Variants in OR5B2 observed in about 807,000 individuals in gnomAD.
OR5B2 encodes olfactory receptor 5B2.
For missense variants in OR5B2, 411 were observed against 367.0 expected, an observed-to-expected ratio of 1.12 and a Z score of -0.98; for synonymous variants, 163 against 140.8, an observed-to-expected ratio of 1.16 and a Z score of -1.11.
chr11:58,426,826 GGCT>G (rs1181077014), intron 1 of OR5B2, 150 bp from the exon 2 acceptor site: 3 of 152,094 alleles, frequency 2.0e-5, no homozygotes, highest in Non-Finnish European at 4.4e-5. Context: ...TGTCACACAG[GGCT>G]GCTGCTGTGA....
chr11:58,422,835 C>T lies in OR5B2; in HGVS notation c.427G>A (p.Ala143Thr), dbSNP rs1371822219. The T allele has an allele frequency of 1.5e-5, 24 of 1,613,498 alleles. No individual in the cohort carries two copies. The highest frequency in any genetic ancestry group is 1.9e-5 in the Non-Finnish European group (23 of 1,179,794). ...AAGCCACAGACATATGAGCCTAGGG[C>T]CAGACAGGCACCTACACTGGCCGTC... ...TMTASVGACL[A>T]LGSYVCGFLN... The change falls in exon 3 of 3, where the codon GCC becomes ACC. Residue 143 changes from alanine to threonine, a missense_variant. Transcript: ENST00000641342.
chr11:58,423,285 A>G lies in OR5B2; in HGVS notation c.-24T>C, dbSNP rs1176425505. ...ATCAGTATTATCTGAGAAACTTAAGATGACCTGTAGCAATGAGAAATAAAG... is the reference window on the plus strand; with the variant it reads ...ATCAGTATTATCTGAGAAACTTAAGGTGACCTGTAGCAATGAGAAATAAAG... On this transcript the variant is annotated 5_prime_UTR_variant, in exon 3 of 3. Coordinates refer to ENST00000641342, the MANE Select transcript of OR5B2 (RefSeq NM_001005566.3). The G allele has an allele frequency of 7.0e-7, 1 of 1,435,144 alleles. No homozygotes were observed. Among genetic ancestry groups the G allele is most frequent in the African/African-American group, 1.4e-5 (1 of 70,448 alleles). The allele number at this position is 1,435,144 out of a possible 1,614,324, so 88.9% of individuals were successfully genotyped here.
chr11:58,422,513 T>C lies in OR5B2; in HGVS notation c.749A>G (p.Tyr250Cys), dbSNP rs138755829. ...ASHFTAVSVF[Y>C]GTVIFIYLQP... Reference sequence around the variant, plus strand: ...CAAGTAGATGAAGATTACTGTCCCATAGAAGACGGAGACTGCAGTGAAGTG... The same window carrying C: ...CAAGTAGATGAAGATTACTGTCCCACAGAAGACGGAGACTGCAGTGAAGTG... Residue 250 changes from tyrosine to cysteine, a missense_variant, in exon 3 of 3, where the codon TAT becomes TGT. Tyr to Cys is a radical substitution (Grantham distance 194). Transcript: ENST00000641342. 37 of 1,613,668 alleles carry C rather than the reference T, an allele frequency of 2.3e-5. No homozygotes were observed. The highest frequency in any genetic ancestry group is 2.8e-5 in the Non-Finnish European group (33 of 1,179,880).
intron 2 of OR5B2, among the ~76,000 whole-genome samples, chr11:58,425,177 GTTAT>G (rs1372407500): frequency 1.3e-5 from 2 of 151,976 alleles, no homozygotes; most frequent in African/African-American, 4.8e-5. Flanking sequence ...TCACACTTCT[GTTAT>G]TTTTGTTTGT....
At chr11:58,425,930 A>G (rs1855331789) in intron 2 of OR5B2, among the ~76,000 whole-genome samples, 1 of 152,144 alleles carries the variant, frequency 6.6e-6, no homozygotes, top group South Asian at 2.1e-4. Context: ...TAAAAAATCT[A>G]AAGCCTTCAA....
rs773952177 is a variant in OR5B2 at position 58,421,254 on chromosome 11, A to AT, written c.*1077dup. On this transcript the variant is annotated 3_prime_UTR_variant, in exon 3 of 3. Transcript: ENST00000641342. ...AACCACAGGTGTTTATAGCGGCTTTATTCATAACTGCCAACACTAGGGAAG... is the reference window on the plus strand; with the variant it reads ...AACCACAGGTGTTTATAGCGGCTTTATTTCATAACTGCCAACACTAGGGAAG... The AT allele has an allele frequency of 3.9e-5, 6 of 152,268 alleles. No individual in the cohort carries two copies. Among genetic ancestry groups the AT allele is most frequent in the Non-Finnish European group, 7.4e-5 (5 of 68,002 alleles). 9.4% of individuals were successfully genotyped at this position (152,268 alleles called of 1,614,324 possible). A position where few individuals can be genotyped will look rare whatever the true frequency, so the allele number is the denominator to read the frequency against.
chr11:58,422,316 T>A lies in OR5B2; in HGVS notation c.*16A>T. ...AACAACATTTTTGTGTATACAACAA[T>A]GTTAAAATTCCAAACTTATAGAAAT... is the stretch of plus-strand genomic sequence containing the variant. On this transcript the variant is annotated 3_prime_UTR_variant, in exon 3 of 3. Coordinates refer to ENST00000641342, the MANE Select transcript of OR5B2 (RefSeq NM_001005566.3). The A allele has an allele frequency of 6.5e-7, 1 of 1,538,854 alleles. No homozygotes were observed. The highest frequency in any genetic ancestry group is 1.4e-5 in the African/African-American group (1 of 73,288).
chr11:58,423,395 A>T, intron 2 of OR5B2, 106 bp from the exon 3 acceptor site: 1 of 541,798 alleles, frequency 1.8e-6, no homozygotes, highest in Non-Finnish European at 3.2e-6. Flanking sequence ...TTTGTACTTC[A>T]AAATTCTATA....
chr11:58,422,403 C>A lies in OR5B2; in HGVS notation c.859G>T (p.Val287Phe), dbSNP rs1351143246. 1.4e-5 allele frequency: 23 copies of A among 1,613,470 alleles called. No homozygotes were observed. Among genetic ancestry groups the A allele is most frequent in the Non-Finnish European group, 1.8e-5 (21 of 1,179,750 alleles). Reference protein sequence around the residue: ...AMIIPMLNPVVYSLRNREVQN... With the variant: ...AMIIPMLNPVFYSLRNREVQN... ...ACTTCTCTGTTCCTCAGGCTGTAGA[C>A]CACAGGGTTCAGCATGGGGATGATC... The change falls in exon 3 of 3, where the codon GTC becomes TTC. Residue 287 changes from valine (V) to phenylalanine (F), a missense_variant. Val to Phe is a conservative substitution (Grantham distance 50). Coordinates refer to ENST00000641342, the MANE Select transcript of OR5B2 (RefSeq NM_001005566.3).
chr11:58,423,357 T>G, intron 2 of OR5B2, 68 bp from the exon 3 acceptor site: 1 of 657,344 alleles, frequency 1.5e-6, no homozygotes, highest in Non-Finnish European at 2.5e-6. Context: ...ATATAAATAC[T>G]ATATGCATTA....
intron 2 of OR5B2, 153 bp from the exon 3 acceptor site, chr11:58,423,442 A>C: frequency 2.1e-6 from 1 of 467,830 alleles, no homozygotes; most frequent in Non-Finnish European, 3.7e-6. Flanking sequence ...TCTTTAATGC[A>C]TTATCTACAG....
At chr11:58,426,452 T>G (rs10896778) in intron 2 of OR5B2, among the ~76,000 whole-genome samples, 170 bp downstream of exon 2, 32,936 of 152,088 alleles carry the variant, frequency 0.22, 3,562 homozygotes, top group Middle Eastern at 0.31. Context: ...TAATGGAGAT[T>G]GTTGTAACAC....
At chr11:58,424,269 T>C (rs1007052975) in intron 2 of OR5B2, among the ~76,000 whole-genome samples, 1 of 152,186 alleles carries the variant, frequency 6.6e-6, no homozygotes, top group Non-Finnish European at 1.5e-5. Flanking sequence ...GGAATGATGA[T>C]CTGTTAGTTT....
chr11:58,424,104 C>A (rs1279830549), intron 2 of OR5B2, among the ~76,000 whole-genome samples: 1 of 152,118 alleles, frequency 6.6e-6, no homozygotes, highest in Non-Finnish European at 1.5e-5. Flanking sequence ...TTCCCTGAAC[C>A]TTATTTATTT....
At chr11:58,424,624 G>A (rs1855317506) in intron 2 of OR5B2, among the ~76,000 whole-genome samples, 1 of 151,908 alleles carries the variant, frequency 6.6e-6, no homozygotes. Context: ...ATCTGTTTTG[G>A]TGGCAGGTTG....
At chr11:58,427,635 G>T (rs1474453618) in intron 1 of OR5B2, among the ~76,000 whole-genome samples, 1 of 152,086 alleles carries the variant, frequency 6.6e-6, no homozygotes, top group African/African-American at 2.4e-5. Flanking sequence ...AAACATGATT[G>T]TTCAATATAA....
chr11:58,425,454 C>T (rs1855325868), intron 2 of OR5B2, among the ~76,000 whole-genome samples: 1 of 151,836 alleles, frequency 6.6e-6, no homozygotes, highest in African/African-American at 2.4e-5. Context: ...CCCTCTTTTA[C>T]TAAATGTATA....
intron 2 of OR5B2, 154 bp from the exon 3 acceptor site, chr11:58,423,443 T>C (rs553710945): frequency 6.0e-5 from 28 of 466,588 alleles, no homozygotes; most frequent in Admixed American, 4.9e-4. Flanking sequence ...CTTTAATGCA[T>C]TATCTACAGA....
At chr11:58,427,147 C>T (rs912385084) in intron 1 of OR5B2, among the ~76,000 whole-genome samples, 5 of 152,064 alleles carry the variant, frequency 3.3e-5, no homozygotes, top group Admixed American at 6.6e-5. Flanking sequence ...GGAATTTGAA[C>T]GTACATAAAG....
Sources: gnomAD v4.1 joint callset for allele counts (sites outside exome capture counted in the v4.1 genomes callset) on GRCh38, gnomAD v4.1.1 for gene constraint, MANE v1.5 for transcripts, NCBI Gene and HGNC (gene_info 2026-07-23, HGNC 2026-07-21) for gene names.